Variants in RARB observed in about 807,000 individuals in gnomAD.
RARB encodes HBV-activated protein.
Under a neutral mutation model 51.9 loss-of-function variants are expected in RARB, and 17 were observed. The observed-to-expected ratio is 0.33, with a 90% CI of 0.22 to 0.49. The LOEUF (loss-of-function observed/expected upper bound fraction) is 0.49, where lower values mean the gene tolerates loss of function less well. RARB is among the 20% of genes least tolerant of loss of function. The pLI is 0.99. For synonymous variants in RARB, 215 were observed against 195.4 expected, an observed-to-expected ratio of 1.10 and a Z score of -0.84; for missense variants, 369 against 550.8, an observed-to-expected ratio of 0.67 and a Z score of 3.30.
intron 2 of RARB, among the ~76,000 whole-genome samples, chr3:24,952,111 C>T (rs1009549839): frequency 6.6e-6 from 1 of 152,162 alleles, no homozygotes; most frequent in African/African-American, 2.4e-5. Context: ...TGCAGTGGCT[C>T]ATGCTATAAT....
chr3:24,887,057 A>G (rs1265607880), intron 2 of RARB, among the ~76,000 whole-genome samples: 1 of 152,244 alleles, frequency 6.6e-6, no homozygotes, highest in Non-Finnish European at 1.5e-5. Flanking sequence ...AATTAATGCC[A>G]TAGAGGCATG....
chr3:25,346,008 G>A (rs753635560), intron 5 of RARB: 1,066 of 462,306 alleles, frequency 2.3e-3, no homozygotes, highest in Non-Finnish European at 2.8e-3. Flanking sequence ...CTTCTGACCC[G>A]GGCTGCGGTT....
intron 5 of RARB, among the ~76,000 whole-genome samples, chr3:25,307,393 A>T (rs1284414528): frequency 6.6e-6 from 1 of 152,062 alleles, no homozygotes; most frequent in Non-Finnish European, 1.5e-5. Flanking sequence ...TCTCAAAAAA[A>T]AAAAAAAATT....
chr3:24,893,402 A>T (rs185570200), intron 2 of RARB, among the ~76,000 whole-genome samples: 37 of 151,776 alleles, frequency 2.4e-4, no homozygotes, highest in Admixed American at 1.5e-3. Context: ...GACAGCTTTA[A>T]TTTTTTTTTG....
chr3:25,556,768 C>T (rs1700076505), intron 3 of RARB, among the ~76,000 whole-genome samples: 1 of 152,176 alleles, frequency 6.6e-6, no homozygotes, highest in South Asian at 2.1e-4. Context: ...TTGATGACAG[C>T]AGTGATGTTG....
chr3:25,047,100 T>C (rs1282970907), intron 2 of RARB, among the ~76,000 whole-genome samples: 2 of 152,212 alleles, frequency 1.3e-5, no homozygotes, highest in East Asian at 3.9e-4. Context: ...TTCTAAATTC[T>C]CTTCCATTTG....
rs575759640 is a variant in RARB, at chr3:24,894,183, G to T, written c.-380+35431G>T. Among the ~76,000 whole-genome samples the T allele has an allele frequency of 3.5e-4, 54 of 152,150 alleles. No individual in the cohort carries two copies. The East Asian group carries it at 8.5e-3, about 24-fold the overall frequency. On this transcript the variant is annotated intron_variant, in intron 2 of 11. Transcript: ENST00000383772. ...TGTTTACCTGGGTATATTGCATGATGCTGAGGTTTGGGGTACAAATGATCC... is the reference window on the plus strand; with the variant it reads ...TGTTTACCTGGGTATATTGCATGATTCTGAGGTTTGGGGTACAAATGATCC...
chr3:25,572,077 C>G (rs960518624), intron 4 of RARB, among the ~76,000 whole-genome samples: 2 of 152,076 alleles, frequency 1.3e-5, no homozygotes, highest in African/African-American at 2.4e-5. Flanking sequence ...AAGGTGAGGG[C>G]GTCTTGACCT....
At chr3:24,933,410 T>C (rs1415169146) in intron 2 of RARB, among the ~76,000 whole-genome samples, 1 of 152,126 alleles carries the variant, frequency 6.6e-6, no homozygotes, top group African/African-American at 2.4e-5. Context: ...TTTGCAGTTT[T>C]TGTACCCTGA....
At chr3:25,284,001 A>G (rs988025202) in intron 5 of RARB, among the ~76,000 whole-genome samples, 2 of 152,180 alleles carry the variant, frequency 1.3e-5, no homozygotes, top group African/African-American at 4.8e-5. Context: ...ATTTCCAAGC[A>G]TAGGTTATAA....
intron 5 of RARB, among the ~76,000 whole-genome samples, chr3:25,256,840 T>C (rs888913797): frequency 6.7e-6 from 1 of 149,754 alleles, no homozygotes; most frequent in Non-Finnish European, 1.5e-5. Flanking sequence ...AATGTGAAGA[T>C]AAGAGGTGGC....
chr3:24,920,206 A>G (rs2125386340), intron 2 of RARB, among the ~76,000 whole-genome samples: 1 of 152,314 alleles, frequency 6.6e-6, no homozygotes, highest in Admixed American at 6.5e-5. Context: ...TTTGCATACA[A>G]ATAATGTGTT....
intron 5 of RARB, among the ~76,000 whole-genome samples, chr3:25,243,828 A>G (rs1004877404): frequency 6.6e-6 from 1 of 152,214 alleles, no homozygotes; most frequent in Non-Finnish European, 1.5e-5. Flanking sequence ...GCCTCATAAA[A>G]TGAGTCAGGG....
chr3:25,240,657 A>T (rs1004150420), intron 5 of RARB, among the ~76,000 whole-genome samples: 1 of 152,208 alleles, frequency 6.6e-6, no homozygotes, highest in South Asian at 2.1e-4. Context: ...ATGTGGAGAC[A>T]TTCTTACATC....
chr3:25,142,872 C>G (rs965836228), intron 4 of RARB, among the ~76,000 whole-genome samples: 2 of 152,144 alleles, frequency 1.3e-5, no homozygotes, highest in African/African-American at 2.4e-5. Context: ...CTTCAGTAAA[C>G]AAAAGCAGAC....
intron 5 of RARB, among the ~76,000 whole-genome samples, chr3:25,240,376 T>C (rs985793933): frequency 1.3e-5 from 2 of 152,188 alleles, no homozygotes; most frequent in African/African-American, 4.8e-5. Flanking sequence ...TGAATAGAAG[T>C]GGTGAAAGTA....
chr3:25,142,030 T>C (rs766200177), intron 4 of RARB, among the ~76,000 whole-genome samples: 9 of 152,240 alleles, frequency 5.9e-5, no homozygotes, highest in Non-Finnish European at 1.0e-4. Flanking sequence ...CCTGAGAGCT[T>C]GTTAGACATA....
At chr3:25,334,358 G>A (rs898652237) in intron 5 of RARB, among the ~76,000 whole-genome samples, 11 of 152,180 alleles carry the variant, frequency 7.2e-5, no homozygotes, top group Non-Finnish European at 1.3e-4. Context: ...ATAAAAAAGG[G>A]ATGAGTTCAT....
chr3:25,038,327 C>G (rs904703721), intron 2 of RARB, among the ~76,000 whole-genome samples: 1 of 151,824 alleles, frequency 6.6e-6, no homozygotes, highest in Non-Finnish European at 1.5e-5. Flanking sequence ...CACTGCTGTT[C>G]ATGACATTTA....
Sources: gnomAD v4.1 joint callset for allele counts (sites outside exome capture counted in the v4.1 genomes callset) on GRCh38, gnomAD v4.1.1 for gene constraint, MANE v1.5 for transcripts, NCBI Gene and HGNC (gene_info 2026-07-23, HGNC 2026-07-21) for gene names.